The following CDKL1 variants were observed in gnomAD, a reference collection of about 807,000 sequenced individuals.
CDKL1 encodes cyclin-dependent kinase-like 1.
CDKL1 carries 41 observed loss-of-function variants against 42.0 expected under a neutral mutation model. The ratio of observed to expected loss-of-function variants is 0.98; its 90% CI spans 0.76 to 1.27. CDKL1 has a LOEUF of 1.27. Among genes scored for constraint, CDKL1 ranks in the 50% most tolerant of loss-of-function variants. The pLI is 0.00. For missense variants in CDKL1, 394 were observed against 428.4 expected (o/e 0.92, Z 0.71); for synonymous variants, 153 against 158.6 (o/e 0.96, Z 0.26).
At position 50,395,968 on chromosome 14, in the gene CDKL1, T is replaced by C. The variant is rs1566617235; in HGVS notation, c.-100A>G. On this transcript the variant is annotated 5_prime_UTR_variant, in exon 2 of 10. Transcript: ENST00000395834. Reference sequence around the variant, plus strand: ...GGGAGGCTGAGGCGGGCAGATCACCTGAGGTCAGGAGTTCGAGACCAGTCT... The same window carrying C: ...GGGAGGCTGAGGCGGGCAGATCACCCGAGGTCAGGAGTTCGAGACCAGTCT... 8.6e-7 allele frequency: 1 copy of C among 1,164,818 alleles called. No homozygotes were observed. The highest frequency in any genetic ancestry group is 1.9e-5 in the Admixed American group (1 of 51,488). The allele number at this position is 1,164,818 out of a possible 1,614,324, so 72.2% of individuals were successfully genotyped here. A position where few individuals can be genotyped will look rare whatever the true frequency, so the allele number is the denominator to read the frequency against.
intron 7 of CDKL1, among the ~76,000 whole-genome samples, chr14:50,337,439 A>T (rs919270273): frequency 2.0e-5 from 3 of 146,996 alleles, no homozygotes; most frequent in African/African-American, 7.6e-5. Flanking sequence ...GTAACCTCAA[A>T]CTCCTGGGCT....
In CDKL1 at chr14:50,378,040, G is replaced by A; in HGVS notation, c.168+17661C>T. The A allele has an allele frequency of 9.8e-6, 8 of 812,632 alleles. No homozygotes were observed. In the South Asian group the frequency reaches 1.2e-4, roughly 12 times the overall value. The allele number at this position is 812,632 out of a possible 1,614,324, so 50.3% of individuals were successfully genotyped here. ...CTAAGTCAGGGCTATGGTGAGAAAA[G>A]AGAATCATCCTGAGATCTAGGATAG... On this transcript the variant is annotated intron_variant, in intron 2 of 9. Coordinates refer to ENST00000395834, the MANE Select transcript of CDKL1 (RefSeq NM_004196.7).
At chr14:50,372,478 G>T (rs559887739) in intron 2 of CDKL1, among the ~76,000 whole-genome samples, 24 of 152,288 alleles carry the variant, frequency 1.6e-4, no homozygotes, top group Admixed American at 1.6e-3. Context: ...CTTGCAAATA[G>T]TTTCTCCTAA....
intron 4 of CDKL1, chr14:50,342,901 C>A: frequency 7.6e-7 from 1 of 1,323,028 alleles, no homozygotes; most frequent in East Asian, 5.2e-5. Flanking sequence ...GGCAGCAGCC[C>A]TCACCCTCTG....
intron 2 of CDKL1, among the ~76,000 whole-genome samples, chr14:50,388,321 G>A (rs959485886): frequency 3.9e-5 from 6 of 152,228 alleles, no homozygotes; most frequent in Non-Finnish European, 8.8e-5. Context: ...TTTAGTGGAT[G>A]TGGCACTGCA....
chr14:50,360,021 T>C (rs1212313228), intron 2 of CDKL1, among the ~76,000 whole-genome samples: 1 of 152,116 alleles, frequency 6.6e-6, no homozygotes, highest in Non-Finnish European at 1.5e-5. Flanking sequence ...GCAGTGCCCA[T>C]TCACTATCAG....
chr14:50,336,157 A>G, intron 7 of CDKL1: 1 of 1,364,272 alleles, frequency 7.3e-7, no homozygotes, highest in Non-Finnish European at 9.8e-7. Flanking sequence ...CCCATCTGTG[A>G]GCGTTTCACA....
At chr14:50,360,786 T>TTC (rs1555341846) in intron 2 of CDKL1, among the ~76,000 whole-genome samples, 1 of 144,604 alleles carries the variant, frequency 6.9e-6, no homozygotes. Context: ...GTGTGTGTGT[T>TTC]TGTGTGTGTG....
At chr14:50,348,568 C>A (rs1000093670) in intron 3 of CDKL1, among the ~76,000 whole-genome samples, 1 of 152,194 alleles carries the variant, frequency 6.6e-6, no homozygotes, top group Admixed American at 6.5e-5. Flanking sequence ...ACTTCACTCT[C>A]CAGGCACAAT....
chr14:50,343,713 T>C (rs1451675317), intron 4 of CDKL1, among the ~76,000 whole-genome samples: 1 of 152,164 alleles, frequency 6.6e-6, no homozygotes, highest in Non-Finnish European at 1.5e-5. Context: ...GTATGCATTA[T>C]ATTTGTTTTT....
chr14:50,383,819 CTGGGAGTCTTTAAGAAGGT>C (rs1259374196), intron 2 of CDKL1, among the ~76,000 whole-genome samples: 1 of 152,086 alleles, frequency 6.6e-6, no homozygotes, highest in Non-Finnish European at 1.5e-5. Flanking sequence ...TCCTTGCAAA[CTGGGAGTCTTTAAGAAGGT>C]AACGAGCCAG....
rs1243391136 is a variant in CDKL1, at chr14:50,358,081, C to A, written c.290+947G>T. ...GACCCCCTCCTCCTTTTTTCTTTTT[C>A]TTGGACAAGGCCTCTGTGTGCTCAC... On this transcript the variant is annotated intron_variant, in intron 3 of 9. Transcript: ENST00000395834. 3 of 1,360,604 alleles carry A rather than the reference C, an allele frequency of 2.2e-6. 1 individual carries two copies. The highest frequency in any genetic ancestry group is 2.3e-5 in the South Asian group (2 of 87,836). 84.3% of individuals were successfully genotyped at this position (1,360,604 alleles called of 1,614,324 possible).
intron 2 of CDKL1, chr14:50,363,266 C>G (rs1406766918): frequency 5.1e-6 from 1 of 194,756 alleles, no homozygotes; most frequent in African/African-American, 2.3e-5. Flanking sequence ...AGACCAAGAA[C>G]CCACCAATTC....
At chr14:50,395,079 G>A (rs1037801400) in intron 2 of CDKL1, among the ~76,000 whole-genome samples, 1 of 152,220 alleles carries the variant, frequency 6.6e-6, no homozygotes, top group Non-Finnish European at 1.5e-5. Flanking sequence ...CATATGAGGT[G>A]TAATGAGAAT....
At chr14:50,364,250 C>T (rs1174942881) in intron 2 of CDKL1, among the ~76,000 whole-genome samples, 2 of 152,192 alleles carry the variant, frequency 1.3e-5, no homozygotes, top group Admixed American at 1.3e-4. Flanking sequence ...CAGGCGGATG[C>T]CTGAGTTTAG....
chr14:50,368,080 T>G (rs1187033454), intron 2 of CDKL1, among the ~76,000 whole-genome samples: 1 of 152,188 alleles, frequency 6.6e-6, no homozygotes, highest in African/African-American at 2.4e-5. Flanking sequence ...TGCCTCAGCC[T>G]CTCAAGTAGC....
chr14:50,345,688 T>C (rs1483305057), intron 3 of CDKL1, among the ~76,000 whole-genome samples: 2 of 152,212 alleles, frequency 1.3e-5, no homozygotes, highest in African/African-American at 4.8e-5. Context: ...CCATCGTAAA[T>C]TGTTATTAAA....
chr14:50,387,445 C>A (rs531710137), intron 2 of CDKL1, among the ~76,000 whole-genome samples: 11 of 151,944 alleles, frequency 7.2e-5, no homozygotes, highest in Non-Finnish European at 1.3e-4. Flanking sequence ...ATCGCTTGAG[C>A]CTGGGAGGCA....
At chr14:50,334,084 G>A (rs1595251535) in intron 8 of CDKL1, 1 of 151,818 alleles carries the variant, frequency 6.6e-6, no homozygotes, top group African/African-American at 2.4e-5. Context: ...TATTTAAAGT[G>A]GAAAATACTT....
Sources: gnomAD v4.1 joint callset for allele counts (sites outside exome capture counted in the v4.1 genomes callset) on GRCh38, gnomAD v4.1.1 for gene constraint, MANE v1.5 for transcripts, NCBI Gene and HGNC (gene_info 2026-07-23, HGNC 2026-07-21) for gene names.